Variants in CACNB2 observed in about 807,000 individuals in gnomAD.
The protein encoded by CACNB2 is voltage-dependent L-type calcium channel subunit beta-2.
CACNB2 carries 42 observed loss-of-function variants against 73.3 expected under a neutral mutation model. That is an observed-to-expected ratio of 0.57 (90% CI 0.45 to 0.74). CACNB2 has a LOEUF of 0.74. CACNB2 is among the 30% of genes least tolerant of loss of function. The probability of loss-of-function intolerance (pLI) is 0.00; values close to 1 mark genes in which losing one functional copy is unlikely to be tolerated. For synonymous variants in CACNB2, 348 were observed against 310.3 expected (o/e 1.12, Z -1.28); for missense variants, 940 against 853.0 (o/e 1.10, Z -1.27).
Position 18,468,466 on chromosome 10 carries a change from C to T in CACNB2, c.334-29889C>T, listed in dbSNP as rs1801427354. Among the ~76,000 whole-genome samples, 3 of 151,972 alleles carry T rather than the reference C, an allele frequency of 2.0e-5. No homozygotes were observed. The South Asian group carries it at 6.2e-4, about 32-fold the overall frequency. On this transcript the variant is annotated intron_variant, in intron 3 of 13. Coordinates refer to ENST00000324631, the MANE Select transcript of CACNB2 (RefSeq NM_201596.3). ...CAGATCCTGTCTCAAACAACAACAA[C>T]AGTAAAAACAAAACAAACAGACAAA...
intron 3 of CACNB2, among the ~76,000 whole-genome samples, chr10:18,465,713 C>T (rs2047842562): frequency 6.6e-6 from 1 of 151,192 alleles, no homozygotes; most frequent in Non-Finnish European, 1.5e-5. Context: ...ATGGCCTCTC[C>T]CTTTGTCAAC....
intron 2 of CACNB2, among the ~76,000 whole-genome samples, chr10:18,180,987 CAA>C (rs1197120360): frequency 7.6e-6 from 1 of 131,808 alleles, no homozygotes; most frequent in Non-Finnish European, 1.6e-5. Context: ...CAAAACAAAA[CAA>C]AAAAAGAAAT....
chr10:18,240,266 C>T (rs1018818800), intron 2 of CACNB2, among the ~76,000 whole-genome samples: 2 of 152,160 alleles, frequency 1.3e-5, no homozygotes, highest in African/African-American at 2.4e-5. Context: ...ATCCAAATAA[C>T]ATGTTGCAAA....
chr10:18,237,181 T>C (rs7098242), intron 2 of CACNB2, among the ~76,000 whole-genome samples: 59,123 of 152,012 alleles, frequency 0.39, 12,566 homozygotes, highest in Non-Finnish European at 0.47. Context: ...AAAGGTGGTG[T>C]TCTGGGTTGA....
At chr10:18,293,763 G>T (rs987305472) in intron 2 of CACNB2, among the ~76,000 whole-genome samples, 1 of 152,140 alleles carries the variant, frequency 6.6e-6, no homozygotes, top group Non-Finnish European at 1.5e-5. Context: ...TTTAATGACT[G>T]CCATATTACA....
At position 18,534,087 on chromosome 10, in the gene CACNB2, A is replaced by G; in HGVS notation, c.1066A>G (p.Ser356Gly). 3.7e-6 allele frequency: 6 copies of G among 1,614,088 alleles called. No homozygotes were observed. Among genetic ancestry groups the G allele is most frequent in the Non-Finnish European group, 5.1e-6 (6 of 1,179,950 alleles). ...NTRSSLAEVQ[S>G]EIERIFELAR... Reference sequence around the variant, plus strand: ...TTCGCCCTTTACAGCGGAAGTTCAGAGTGAAATCGAAAGGATTTTTGAACT... The same window carrying G: ...TTCGCCCTTTACAGCGGAAGTTCAGGGTGAAATCGAAAGGATTTTTGAACT... Residue 356 changes from serine to glycine, a missense_variant, in exon 11 of 14, where the codon AGT becomes GGT. Ser to Gly is a moderately conservative substitution (Grantham distance 56). Transcript: ENST00000324631.
At chr10:18,151,945 CT>C (rs1195138056) in intron 2 of CACNB2, among the ~76,000 whole-genome samples, 6 of 152,210 alleles carry the variant, frequency 3.9e-5, no homozygotes, top group South Asian at 2.1e-4. Flanking sequence ...GATTCCACCC[CT>C]GCCCCCTGTT....
chr10:18,385,108 C>T (rs1317092118), intron 2 of CACNB2, among the ~76,000 whole-genome samples: 1 of 151,994 alleles, frequency 6.6e-6, no homozygotes, highest in East Asian at 1.9e-4. Flanking sequence ...GGTGAAACCC[C>T]ATCTCTACTA....
intron 3 of CACNB2, among the ~76,000 whole-genome samples, chr10:18,481,203 TATATATATATATATA>T (rs2048713024): frequency 1.9e-4 from 3 of 15,582 alleles, no homozygotes; most frequent in African/African-American, 2.3e-4. Context: ...TATATATATA[TATATATATATATATA>T]TATATATATA....
At chr10:18,201,473 C>T (rs991061723) in intron 2 of CACNB2, among the ~76,000 whole-genome samples, 1 of 152,100 alleles carries the variant, frequency 6.6e-6, no homozygotes, top group Admixed American at 6.6e-5. Flanking sequence ...TGGGGTTTCA[C>T]CATGTTGGAC....
chr10:18,453,985 C>T (rs995316068), intron 3 of CACNB2, among the ~76,000 whole-genome samples: 5 of 152,102 alleles, frequency 3.3e-5, no homozygotes, highest in South Asian at 2.1e-4. Context: ...TGGAGGCCTG[C>T]GTTTGTGTTT....
chr10:18,190,310 G>T (rs1451801625), intron 2 of CACNB2, among the ~76,000 whole-genome samples: 10 of 152,128 alleles, frequency 6.6e-5, no homozygotes, highest in Non-Finnish European at 1.0e-4. Flanking sequence ...GATGGCACAG[G>T]GGTCGCTTCC....
intron 2 of CACNB2, among the ~76,000 whole-genome samples, chr10:18,337,499 T>G (rs533646605): frequency 2.0e-5 from 3 of 152,360 alleles, no homozygotes; most frequent in African/African-American, 7.2e-5. Flanking sequence ...CTAGCACTTT[T>G]TGTATCAAAA....
chr10:18,389,782 C>T (rs2043384965), intron 2 of CACNB2, among the ~76,000 whole-genome samples: 2 of 152,172 alleles, frequency 1.3e-5, no homozygotes, highest in South Asian at 4.2e-4. Flanking sequence ...AGTGTGTCCC[C>T]CTGACATTGT....
intron 2 of CACNB2, chr10:18,224,418 C>A (rs1432044684): frequency 6.6e-6 from 1 of 151,656 alleles, no homozygotes; most frequent in East Asian, 1.9e-4. Context: ...GAGTTTCATA[C>A]AAAATTAAAG....
intron 2 of CACNB2, among the ~76,000 whole-genome samples, chr10:18,225,572 C>G (rs1167181625): frequency 1.4e-5 from 1 of 70,394 alleles, no homozygotes; most frequent in Non-Finnish European, 3.2e-5. Flanking sequence ...CTCCCTCCCT[C>G]CCTCGCTCCT....
At position 18,333,330 on chromosome 10, in the gene CACNB2, G is replaced by A. The variant is rs557750130; in HGVS notation, c.214-68594G>A. Among the ~76,000 whole-genome samples the A allele has an allele frequency of 5.3e-5, 8 of 152,194 alleles. No homozygotes were observed. The South Asian group carries it at 1.2e-3, about 24-fold the overall frequency. Reference sequence around the variant, plus strand: ...GGCTTCTTAGAGGGATAAACTCTGAGGAAGGGATTTCCACAGTACAACTAC... The same window carrying A: ...GGCTTCTTAGAGGGATAAACTCTGAAGAAGGGATTTCCACAGTACAACTAC... On this transcript the variant is annotated intron_variant, in intron 2 of 13. Coordinates refer to ENST00000324631, the MANE Select transcript of CACNB2 (RefSeq NM_201596.3).
chr10:18,334,152 T>G (rs907908584), intron 2 of CACNB2, among the ~76,000 whole-genome samples: 1 of 152,174 alleles, frequency 6.6e-6, no homozygotes, highest in African/African-American at 2.4e-5. Flanking sequence ...TTTTCACTGT[T>G]TAGCAAAGAC....
intron 2 of CACNB2, among the ~76,000 whole-genome samples, chr10:18,298,456 G>A (rs143523621): frequency 5.2e-4 from 79 of 152,284 alleles, no homozygotes; most frequent in African/African-American, 1.7e-3. Flanking sequence ...AGGAGAAAAT[G>A]TTGATCTATG....
Sources: allele counts gnomAD v4.1 joint callset (sites outside exome capture counted in the v4.1 genomes callset), GRCh38; gene constraint gnomAD v4.1.1; transcripts MANE v1.5; gene names NCBI Gene and HGNC (gene_info 2026-07-23, HGNC 2026-07-21).